Variants in AGPAT5 observed in about 807,000 individuals in gnomAD.
AGPAT5 encodes the protein 1-acyl-sn-glycerol-3-phosphate acyltransferase epsilon.
Under a neutral mutation model 45.6 loss-of-function variants are expected in AGPAT5, and 46 were observed. The ratio of observed to expected loss-of-function variants is 1.01; its 90% CI spans 0.80 to 1.29. The LOEUF is 1.29. Among genes scored for constraint, AGPAT5 ranks in the 50% most tolerant of loss-of-function variants. The probability of loss-of-function intolerance (pLI) is 0.00; values close to 1 mark genes in which losing one functional copy is unlikely to be tolerated. For missense variants in AGPAT5, 673 were observed against 450.7 expected (o/e 1.49, Z -4.47); for synonymous variants, 272 against 167.0 (o/e 1.63, Z -4.85).
intron 6 of AGPAT5, among the ~76,000 whole-genome samples, 156 bp from the exon 7 acceptor site, chr8:6,754,895 C>CT (rs10692820): frequency 2.6e-4 from 39 of 151,238 alleles, no homozygotes; most frequent in East Asian, 2.3e-3. Context: ...GTTTATAATC[C>CT]TTTTTTTTTA....
intron 1 of AGPAT5, among the ~76,000 whole-genome samples, chr8:6,720,573 A>G (rs950466129): frequency 7.2e-5 from 11 of 152,148 alleles, no homozygotes; most frequent in African/African-American, 2.7e-4. Flanking sequence ...CATCCTATGG[A>G]TGCTACCAAG....
rs1800055558 is a variant in AGPAT5 at position 6,709,282 on chromosome 8, T to C, written c.219+395T>C. The C allele has an allele frequency of 1.3e-5, 3 of 225,540 alleles. No homozygotes were observed. The Admixed American group carries it at 1.6e-4, about 12-fold the overall frequency. The allele number at this position is 225,540 out of a possible 1,614,324, so 14.0% of individuals were successfully genotyped here. A position where few individuals can be genotyped will look rare whatever the true frequency, so the allele number is the denominator to read the frequency against. On this transcript the variant is annotated intron_variant, in intron 1 of 7. Coordinates refer to ENST00000285518, the MANE Select transcript of AGPAT5 (RefSeq NM_018361.5). The stretch of plus-strand genomic sequence containing the variant: ...ACGTCTACACTCCGAAGTGCGCTTT[T>C]ACAGTGACCTCTTGAAACAGAAGTA...
intron 1 of AGPAT5, among the ~76,000 whole-genome samples, chr8:6,720,272 G>C (rs901641714): frequency 1.3e-5 from 2 of 151,928 alleles, no homozygotes; most frequent in African/African-American, 2.4e-5. Context: ...AAAAAACTTG[G>C]AATGACAATT....
intron 6 of AGPAT5, 125 bp from the exon 7 acceptor site, chr8:6,754,926 A>G (rs1238474603): frequency 2.7e-6 from 2 of 738,722 alleles, no homozygotes; most frequent in Non-Finnish European, 4.1e-6. Flanking sequence ...ATTTTTCCTA[A>G]GGAATCTGTA....
At chr8:6,709,172 G>C (rs1009931801) in intron 1 of AGPAT5, 45 of 506,910 alleles carry the variant, frequency 8.9e-5, no homozygotes, top group Non-Finnish European at 1.4e-4. Flanking sequence ...AGTGGGTGCA[G>C]ATGCACGTTT....
chr8:6,717,008 C>A (rs902330505), intron 1 of AGPAT5, among the ~76,000 whole-genome samples: 5 of 152,118 alleles, frequency 3.3e-5, no homozygotes, highest in African/African-American at 1.2e-4. Context: ...TCTAGTGAGT[C>A]CGATTCATTC....
chr8:6,747,442 C>G (rs1010336096), intron 5 of AGPAT5, among the ~76,000 whole-genome samples: 1 of 152,144 alleles, frequency 6.6e-6, no homozygotes, highest in African/African-American at 2.4e-5. Flanking sequence ...AACACGGTGA[C>G]TTGTACATGT....
chr8:6,713,053 C>T (rs79262811), intron 1 of AGPAT5, among the ~76,000 whole-genome samples: 6,996 of 152,258 alleles, frequency 0.046, 539 homozygotes, highest in African/African-American at 0.16. Flanking sequence ...GGTGCGGTGG[C>T]ACCATCATTG....
chr8:6,731,488 T>G (rs771035734), intron 3 of AGPAT5, among the ~76,000 whole-genome samples: 1 of 152,156 alleles, frequency 6.6e-6, no homozygotes, highest in Admixed American at 6.5e-5. Context: ...TGTAAATGGT[T>G]GTTATACTTT....
intron 6 of AGPAT5, among the ~76,000 whole-genome samples, chr8:6,751,408 T>C (rs569494748): frequency 3.9e-5 from 6 of 152,226 alleles, no homozygotes; most frequent in African/African-American, 7.2e-5. Flanking sequence ...TTGTTGAACA[T>C]GCAGGGCCTC....
At chr8:6,723,003 G>C (rs893743944) in intron 1 of AGPAT5, among the ~76,000 whole-genome samples, 1 of 152,136 alleles carries the variant, frequency 6.6e-6, no homozygotes, top group African/African-American at 2.4e-5. Flanking sequence ...TATTTGCAGG[G>C]TACATTTGTA....
In AGPAT5 at chr8:6,732,582, C is replaced by A; in HGVS notation, c.427C>A (p.Arg143Ser). The A allele has an allele frequency of 1.2e-6, 2 of 1,609,764 alleles. No homozygotes were observed. The highest frequency in any genetic ancestry group is 1.7e-6 in the Non-Finnish European group (2 of 1,178,866). ...GCAGCATGGAGGAATCTATGTAAAGCGCAGTGCCAAATTTAACGAGAAAGA... is the reference window on the plus strand; with the variant it reads ...GCAGCATGGAGGAATCTATGTAAAGAGCAGTGCCAAATTTAACGAGAAAGA... ...FAQHGGIYVK[R>S]SAKFNEKEMR... Residue 143 changes from arginine (R) to serine (S), a missense_variant, in exon 4 of 8, where the codon CGC becomes AGC. Coordinates refer to ENST00000285518, the MANE Select transcript of AGPAT5 (RefSeq NM_018361.5).
chr8:6,746,531 G>T (rs887580273), intron 5 of AGPAT5, among the ~76,000 whole-genome samples: 1 of 152,218 alleles, frequency 6.6e-6, no homozygotes, highest in Non-Finnish European at 1.5e-5. Flanking sequence ...TAGCAAAGAA[G>T]GAAGTGTTAA....
rs1587023847 is a variant in AGPAT5 at position 6,730,345 on chromosome 8, TTTTG to T, written c.290-365_290-362del. On this transcript the variant is annotated intron_variant, in intron 2 of 7. Coordinates refer to ENST00000285518, the MANE Select transcript of AGPAT5 (RefSeq NM_018361.5). ...TTTTTTTTTTTTTTTTTTTTTTTTT[TTTTG>T]GAGACGGAGTCTCGCTGTCGCCCAG... 6.5e-5 allele frequency among the ~76,000 whole-genome samples: 2 copies of T among 30,600 alleles called. 1 individual carries two copies. 20.1% of individuals were successfully genotyped at this position (30,600 alleles called of 152,430 possible).
intron 6 of AGPAT5, among the ~76,000 whole-genome samples, chr8:6,753,445 C>T (rs1801723354): frequency 6.6e-6 from 1 of 152,138 alleles, no homozygotes; most frequent in South Asian, 2.1e-4. Flanking sequence ...TTTTATGTGT[C>T]AGAAATAGAA....
At chr8:6,742,325 G>A (rs951959623) in intron 5 of AGPAT5, among the ~76,000 whole-genome samples, 3 of 152,158 alleles carry the variant, frequency 2.0e-5, no homozygotes, top group Admixed American at 2.0e-4. Context: ...CTTCAACAAT[G>A]GTAATGTTCT....
In AGPAT5 at chr8:6,712,059, T is replaced by C. The variant is rs566332143; in HGVS notation, c.219+3172T>C. On this transcript the variant is annotated intron_variant, in intron 1 of 7. Coordinates refer to ENST00000285518, the MANE Select transcript of AGPAT5 (RefSeq NM_018361.5). ...CATTCCCCCACAACAATGAACTCCA[T>C]AGTTCTGCCTATTCAGTATTTTGTA... Among the ~76,000 whole-genome samples the C allele has an allele frequency of 1.2e-4, 19 of 152,348 alleles. No individual in the cohort carries two copies. The East Asian group carries it at 3.7e-3, about 29-fold the overall frequency.
chr8:6,728,785 G>T (rs895385556), intron 2 of AGPAT5, among the ~76,000 whole-genome samples: 2 of 152,138 alleles, frequency 1.3e-5, no homozygotes, highest in Non-Finnish European at 2.9e-5. Flanking sequence ...ATTTGGTACA[G>T]GTATAACAGG....
At chr8:6,743,578 T>C (rs1801313836) in intron 5 of AGPAT5, among the ~76,000 whole-genome samples, 1 of 152,246 alleles carries the variant, frequency 6.6e-6, no homozygotes, top group South Asian at 2.1e-4. Context: ...GAAGAAGCTG[T>C]TCAGATGGGG....
Sources: gnomAD v4.1 joint callset for allele counts (sites outside exome capture counted in the v4.1 genomes callset) on GRCh38, gnomAD v4.1.1 for gene constraint, MANE v1.5 for transcripts, NCBI Gene and HGNC (gene_info 2026-07-23, HGNC 2026-07-21) for gene names.